Variants in TBX15 observed in about 807,000 individuals in gnomAD.
TBX15 encodes the protein T-box transcription factor TBX15.
Under a neutral mutation model 53.9 loss-of-function variants are expected in TBX15, and 18 were observed. The observed-to-expected ratio is 0.33, with a 90% CI of 0.23 to 0.49. The LOEUF (loss-of-function observed/expected upper bound fraction) is 0.49. TBX15 is among the 20% of genes least tolerant of loss of function. The pLI is 0.98. For missense variants in TBX15, 692 were observed against 749.5 expected, an observed-to-expected ratio of 0.92 and a Z score of 0.90; for synonymous variants, 295 against 278.0, an observed-to-expected ratio of 1.06 and a Z score of -0.61.
intron 7 of TBX15, among the ~76,000 whole-genome samples, chr1:118,897,202 A>C (rs1296348618): frequency 6.6e-6 from 1 of 152,180 alleles, no homozygotes; most frequent in Non-Finnish European, 1.5e-5. Context: ...GCGTCCCTCA[A>C]TGATCACTCC....
intron 7 of TBX15, among the ~76,000 whole-genome samples, chr1:118,888,008 G>A (rs1654010174): frequency 6.6e-6 from 1 of 152,126 alleles, no homozygotes; most frequent in Admixed American, 6.5e-5. Flanking sequence ...GATATAAATA[G>A]CTGCTGATTT....
intron 5 of TBX15, among the ~76,000 whole-genome samples, chr1:118,916,285 A>G (rs1036029129): frequency 5.3e-5 from 8 of 152,212 alleles, no homozygotes; most frequent in Non-Finnish European, 1.2e-4. Flanking sequence ...GAATTACTCC[A>G]TGTTGAAGGG....
In TBX15 at chr1:118,987,646, C is replaced by T. The variant is rs946986211; in HGVS notation, c.150G>A (p.Ala50=). 1.3e-6 allele frequency: 2 copies of T among 1,550,122 alleles called. No individual in the cohort carries two copies. Among genetic ancestry groups the T allele is most frequent in the Non-Finnish European group, 1.7e-6 (2 of 1,146,810 alleles). ...CGTCCTCCGTGTCTCCGAGTGGGCC[C>T]GCGGGGCTCAGCGCCTCCATAGACA... is the stretch of plus-strand genomic sequence containing the variant. ...LDLSMEALSP[A]GPLGDTEDAA... The change falls in exon 1 of 8, where the codon GCG becomes GCA. Residue 50 remains alanine (A), a synonymous_variant. Transcript: ENST00000369429.
In TBX15 at chr1:118,907,635, G is replaced by C. The variant is rs147682611; in HGVS notation, c.926+6480C>G. On this transcript the variant is annotated intron_variant, in intron 6 of 7. Transcript: ENST00000369429. ...CTAGCTGAGCACAGTGGACTCTCCA[G>C]GTATGTGTGCACATGCACCTCCCAT... is the stretch of plus-strand genomic sequence containing the variant. 2.3e-4 allele frequency among the ~76,000 whole-genome samples: 35 copies of C among 152,308 alleles called. No individual in the cohort carries two copies. In the East Asian group the frequency reaches 5.4e-3, roughly 24 times the overall value.
intron 6 of TBX15, among the ~76,000 whole-genome samples, chr1:118,904,254 G>C (rs973061143): frequency 6.6e-6 from 1 of 152,000 alleles, no homozygotes; most frequent in African/African-American, 2.4e-5. Flanking sequence ...AGAATATACT[G>C]TTCCTTCAGA....
chr1:118,986,380 C>T (rs531850525), intron 1 of TBX15, among the ~76,000 whole-genome samples: 2 of 152,266 alleles, frequency 1.3e-5, no homozygotes, highest in African/African-American at 4.8e-5. Context: ...AAAATAATTC[C>T]CCAGCACTAA....
chr1:118,935,851 A>G (rs1244593472), intron 1 of TBX15, among the ~76,000 whole-genome samples: 1 of 152,170 alleles, frequency 6.6e-6, no homozygotes, highest in Non-Finnish European at 1.5e-5. Context: ...TTGTCTTCCC[A>G]TTGATAAGAT....
intron 1 of TBX15, among the ~76,000 whole-genome samples, chr1:118,968,887 T>C (rs1286845130): frequency 6.6e-6 from 1 of 152,124 alleles, no homozygotes; most frequent in Non-Finnish European, 1.5e-5. Context: ...CAGGCCTCTA[T>C]CTCCATCGTG....
intron 2 of TBX15, among the ~76,000 whole-genome samples, chr1:118,929,909 A>C (rs757525225): frequency 2.9e-4 from 44 of 152,158 alleles, no homozygotes; most frequent in Non-Finnish European, 5.6e-4. Context: ...TCTACCAAAA[A>C]CTTTAAAAAA....
chr1:118,972,692 G>A (rs148882526), intron 1 of TBX15, among the ~76,000 whole-genome samples: 3,316 of 152,100 alleles, frequency 0.022, 62 homozygotes, highest in Non-Finnish European at 0.035. Flanking sequence ...TCTGCCTCCC[G>A]GGTTCAAGTG....
intron 7 of TBX15, among the ~76,000 whole-genome samples, chr1:118,893,525 A>AGAAAGAAAGAAG (rs1654274670): frequency 1.5e-5 from 2 of 130,660 alleles, no homozygotes; most frequent in Admixed American, 1.4e-4. Flanking sequence ...AAAGAAAGAA[A>AGAAAGAAAGAAG]GAAGGAAAGA....
At chr1:118,914,998 A>G (rs756247408) in intron 5 of TBX15, among the ~76,000 whole-genome samples, 6 of 152,116 alleles carry the variant, frequency 3.9e-5, no homozygotes, top group Non-Finnish European at 7.4e-5. Flanking sequence ...ATTGCATCCT[A>G]TCTTAGTTCT....
At chr1:118,985,259 G>C (rs1309673186) in intron 1 of TBX15, among the ~76,000 whole-genome samples, 1 of 152,178 alleles carries the variant, frequency 6.6e-6, no homozygotes, top group Non-Finnish European at 1.5e-5. Context: ...CCCGGGAAGA[G>C]ACGCTGCCCT....
chr1:118,911,464 G>C lies in TBX15; in HGVS notation c.926+2651C>G, dbSNP rs367877402. ...CATTAGGAAGGACACACACATAACT[G>C]TCTGCCCTGAGCAGTAAGACAGTCA... On this transcript the variant is annotated intron_variant, in intron 6 of 7. Transcript: ENST00000369429. Among the ~76,000 whole-genome samples the C allele has an allele frequency of 3.3e-5, 5 of 152,292 alleles. No homozygotes were observed. The East Asian group carries it at 9.7e-4, about 29-fold the overall frequency.
intron 1 of TBX15, among the ~76,000 whole-genome samples, chr1:118,941,098 C>G (rs924342908): frequency 2.0e-5 from 3 of 152,178 alleles, no homozygotes; most frequent in Non-Finnish European, 4.4e-5. Context: ...ATCCCCAAGT[C>G]AATGTTTATT....
chr1:118,905,112 T>C (rs567915868), intron 6 of TBX15, among the ~76,000 whole-genome samples: 3 of 152,326 alleles, frequency 2.0e-5, no homozygotes, highest in African/African-American at 7.2e-5. Context: ...TAACCTATAA[T>C]AGAAGAATAT....
At chr1:118,926,694 T>C (rs997758929) in intron 2 of TBX15, 83 bp from the exon 3 acceptor site, 2 of 1,161,530 alleles carry the variant, frequency 1.7e-6, no homozygotes, top group Non-Finnish European at 1.3e-6. Flanking sequence ...TGTGGGTTTT[T>C]TTGTTTGTTT....
intron 1 of TBX15, among the ~76,000 whole-genome samples, chr1:118,933,605 G>T (rs1193734536): frequency 2.6e-5 from 4 of 152,114 alleles, no homozygotes; most frequent in Non-Finnish European, 4.4e-5. Flanking sequence ...GACAGCTGTT[G>T]CTGAGTGACA....
chr1:118,969,073 T>C (rs1466623179), intron 1 of TBX15, among the ~76,000 whole-genome samples: 1 of 152,218 alleles, frequency 6.6e-6, no homozygotes, highest in East Asian at 1.9e-4. Context: ...AAAAAGCAAC[T>C]GGCACAGCAG....
Sources: allele counts gnomAD v4.1 joint callset (sites outside exome capture counted in the v4.1 genomes callset), GRCh38; gene constraint gnomAD v4.1.1; transcripts MANE v1.5; gene names NCBI Gene and HGNC (gene_info 2026-07-23, HGNC 2026-07-21).